KIF13B: variants seen among roughly 807,000 people sequenced by gnomAD.
KIF13B encodes the protein kinesin-like protein KIF13B.
In KIF13B, 127 loss-of-function variants were observed where a neutral mutation model predicts 222.0. The observed-to-expected ratio is 0.57, with a 90% CI of 0.50 to 0.66. KIF13B has a LOEUF of 0.66. KIF13B is among the 30% of genes least tolerant of loss of function. The pLI, the probability that KIF13B is intolerant of heterozygous loss-of-function variation, is 0.00. For synonymous variants in KIF13B, 976 were observed against 919.0 expected (o/e 1.06, Z -1.12); for missense variants, 2,173 against 2,379.0 (o/e 0.91, Z 1.80).
At chr8:29,191,324 T>C (rs753927912) in intron 3 of KIF13B, among the ~76,000 whole-genome samples, 21 of 152,256 alleles carry the variant, frequency 1.4e-4, no homozygotes, top group Non-Finnish European at 3.1e-4. Context: ...CAGAATTACA[T>C]CTATAGTTTA....
At chr8:29,234,993 G>A (rs1171030326) in intron 2 of KIF13B, among the ~76,000 whole-genome samples, 1 of 151,936 alleles carries the variant, frequency 6.6e-6, no homozygotes, top group Admixed American at 6.6e-5. Flanking sequence ...CATATCTCTG[G>A]GTAAAATATG....
intron 6 of KIF13B, among the ~76,000 whole-genome samples, chr8:29,182,590 G>GTT (rs59693794): frequency 9.0e-4 from 131 of 144,864 alleles, no homozygotes; most frequent in African/African-American, 3.0e-3. Context: ...TATTCATTAA[G>GTT]TTTTTTTTTT....
intron 3 of KIF13B, among the ~76,000 whole-genome samples, chr8:29,193,778 T>C (rs1813292540): frequency 6.6e-6 from 1 of 152,206 alleles, no homozygotes; most frequent in African/African-American, 2.4e-5. Flanking sequence ...TAAGACAAAG[T>C]AGATGCTATG....
At chr8:29,111,859 A>G (rs1365929013) in intron 32 of KIF13B, among the ~76,000 whole-genome samples, 1 of 152,250 alleles carries the variant, frequency 6.6e-6, no homozygotes, top group Non-Finnish European at 1.5e-5. Flanking sequence ...CTCTAGCTAG[A>G]CATAGATGTA....
At chr8:29,191,886 A>T (rs1009258063) in intron 3 of KIF13B, among the ~76,000 whole-genome samples, 5 of 152,156 alleles carry the variant, frequency 3.3e-5, no homozygotes, top group African/African-American at 4.8e-5. Context: ...ATCTCCGTAA[A>T]GATTTTAAGT....
At chr8:29,131,702 C>T (rs1270151782) in intron 23 of KIF13B, among the ~76,000 whole-genome samples, 2 of 152,318 alleles carry the variant, frequency 1.3e-5, no homozygotes, top group African/African-American at 4.8e-5. Flanking sequence ...ATACTCTCTA[C>T]AGCTGATTAA....
At chr8:29,080,003 T>A (rs1004619240) in intron 37 of KIF13B, among the ~76,000 whole-genome samples, 3 of 152,162 alleles carry the variant, frequency 2.0e-5, no homozygotes, top group African/African-American at 7.2e-5. Context: ...AGGAAACACC[T>A]GCTAACCTCC....
chr8:29,185,227 T>C (rs907584452), intron 6 of KIF13B, among the ~76,000 whole-genome samples: 16 of 152,150 alleles, frequency 1.1e-4, no homozygotes, highest in Non-Finnish European at 2.1e-4. Flanking sequence ...CTCACCCAAC[T>C]TCCCAGTGGA....
chr8:29,177,718 A>G (rs2130253971), intron 8 of KIF13B, 140 bp from the exon 9 acceptor site: 1 of 658,170 alleles, frequency 1.5e-6, no homozygotes, highest in East Asian at 2.6e-5. Context: ...CCTGGGCAAC[A>G]CAGCAAAATC....
Position 29,197,323 on chromosome 8 carries a change from C to T in KIF13B, c.150-1124G>A, listed in dbSNP as rs1449136708. Among the ~76,000 whole-genome samples the T allele has an allele frequency of 9.7e-5, 9 of 93,124 alleles. No individual in the cohort carries two copies. In the South Asian group the frequency reaches 2.5e-3, roughly 26 times the overall value. 61.1% of individuals were successfully genotyped at this position (93,124 alleles called of 152,430 possible). On this transcript the variant is annotated intron_variant, in intron 2 of 39. Transcript: ENST00000524189. ...CTGCACTCCAGCCTGGGCGACAGAG[C>T]GAGACTCCGTCTCAAAAAAAAAAAA...
chr8:29,104,639 G>A (rs939180418), intron 35 of KIF13B, among the ~76,000 whole-genome samples: 12 of 152,112 alleles, frequency 7.9e-5, no homozygotes, highest in African/African-American at 2.9e-4. Flanking sequence ...GTCCTTCCAT[G>A]GTGTCCAACT....
intron 7 of KIF13B, 147 bp from the exon 8 acceptor site, chr8:29,180,385 C>G (rs1483346292): frequency 2.5e-6 from 2 of 814,854 alleles, no homozygotes; most frequent in Non-Finnish European, 4.1e-6. Flanking sequence ...AATATTGAGC[C>G]CCATGGAGTA....
At chr8:29,183,081 C>T (rs975515817) in intron 6 of KIF13B, among the ~76,000 whole-genome samples, 3 of 151,160 alleles carry the variant, frequency 2.0e-5, no homozygotes, top group Admixed American at 6.6e-5. Context: ...TTTGTTTATC[C>T]TTATTTTAAA....
intron 37 of KIF13B, among the ~76,000 whole-genome samples, chr8:29,087,634 T>C (rs1808100924): frequency 6.6e-6 from 1 of 152,200 alleles, no homozygotes; most frequent in South Asian, 2.1e-4. Flanking sequence ...AGTTCCACGC[T>C]GCGTCGGTAG....
intron 21 of KIF13B, among the ~76,000 whole-genome samples, chr8:29,137,820 G>A (rs991256231): frequency 1.1e-4 from 17 of 152,246 alleles, no homozygotes; most frequent in African/African-American, 3.4e-4. Context: ...TCATCACACC[G>A]GAAAACAAGA....
At chr8:29,158,146 A>G (rs1442135946) in intron 13 of KIF13B, among the ~76,000 whole-genome samples, 1 of 152,192 alleles carries the variant, frequency 6.6e-6, no homozygotes, top group Non-Finnish European at 1.5e-5. Context: ...TTAAAGTCAC[A>G]TCCTCAGAGA....
At chr8:29,221,531 T>C (rs1249106512) in intron 2 of KIF13B, among the ~76,000 whole-genome samples, 1 of 148,578 alleles carries the variant, frequency 6.7e-6, no homozygotes, top group African/African-American at 2.5e-5. Context: ...AAAAATGAAA[T>C]AGGAGAAGAG....
At position 29,177,475 on chromosome 8, in the gene KIF13B, T is replaced by C. The variant is rs774251931; in HGVS notation, c.824A>G (p.Asn275Ser). ...CTTTGAGAGCACTTACTTGTTAATG[T>C]TGCTCCCTTCCTTCAGCCTGTCCCC... is the stretch of plus-strand genomic sequence containing the variant. ...AAGDRLKEGS[N>S]INKSLTTLGL... The change falls in exon 9 of 40, where the codon AAC becomes AGC. Residue 275 changes from asparagine to serine, a missense_variant. Asn to Ser is a conservative substitution (Grantham distance 46, BLOSUM62 1). Coordinates refer to ENST00000524189, the MANE Select transcript of KIF13B (RefSeq NM_015254.4). 1.2e-6 allele frequency: 2 copies of C among 1,604,610 alleles called. No homozygotes were observed. Among genetic ancestry groups the C allele is most frequent in the Admixed American group, 3.3e-5 (2 of 60,024 alleles).
At chr8:29,126,296 C>T (rs1810105923) in intron 26 of KIF13B, among the ~76,000 whole-genome samples, 186 bp downstream of exon 26, 1 of 152,128 alleles carries the variant, frequency 6.6e-6, no homozygotes, top group African/African-American at 2.4e-5. Flanking sequence ...TGATTTCCCA[C>T]TCCTAACACA....
Sources: allele counts gnomAD v4.1 joint callset (sites outside exome capture counted in the v4.1 genomes callset), GRCh38; gene constraint gnomAD v4.1.1; transcripts MANE v1.5; gene names NCBI Gene and HGNC (gene_info 2026-07-23, HGNC 2026-07-21).